PANK1: variants seen among roughly 807,000 people sequenced by gnomAD.
PANK1 encodes the protein pantothenate kinase 1.
In PANK1, 18 loss-of-function variants were observed where a neutral mutation model predicts 40.1. The observed-to-expected ratio is 0.45, with a 90% CI of 0.31 to 0.67. The LOEUF is 0.67. Ranked by LOEUF, PANK1 falls within the 30% of genes least tolerant of loss-of-function variation. PANK1 has a pLI of 0.06. For synonymous variants in PANK1, 242 were observed against 237.7 expected, an observed-to-expected ratio of 1.02 and a Z score of -0.17; for missense variants, 457 against 599.6, an observed-to-expected ratio of 0.76 and a Z score of 2.48.
At chr10:89,627,020 C>T (rs779612966) in intron 1 of PANK1, among the ~76,000 whole-genome samples, 2 of 152,126 alleles carry the variant, frequency 1.3e-5, no homozygotes, top group Non-Finnish European at 2.9e-5. Context: ...AGAAATGGGC[C>T]TTGTTCATTT....
chr10:89,637,675 C>T (rs1335309602), intron 1 of PANK1, among the ~76,000 whole-genome samples: 2 of 152,206 alleles, frequency 1.3e-5, no homozygotes, highest in South Asian at 2.1e-4. Flanking sequence ...TAGGACATCA[C>T]TGTACACACT....
intron 1 of PANK1, among the ~76,000 whole-genome samples, chr10:89,636,244 C>T (rs1336422708): frequency 6.6e-6 from 1 of 152,150 alleles, no homozygotes; most frequent in Admixed American, 6.5e-5. Context: ...CCTTGCAACA[C>T]GTGTCTGCCT....
Position 89,611,977 on chromosome 10 carries a change from TAATATCCTTCGGCTCGA to T in PANK1, c.347_363del (p.Phe116TyrfsTer22). ...ACTTCCTCTTGCTCCTCTTCGGCTG[TAATATCCTTCGGCTCGA>T]AATACACCAATTTAACCAGCGTTCC... On this transcript the variant is annotated frameshift_variant, in exon 2 of 7. Coordinates refer to ENST00000307534, the MANE Select transcript of PANK1 (RefSeq NM_148977.3). LOFTEE classifies it high-confidence loss of function. 6.2e-7 allele frequency: 1 copy of T among 1,614,188 alleles called. No homozygotes were observed. The highest frequency in any genetic ancestry group is 8.5e-7 in the Non-Finnish European group (1 of 1,180,038).
chr10:89,625,148 T>A (rs572105788), intron 1 of PANK1, among the ~76,000 whole-genome samples: 1 of 152,256 alleles, frequency 6.6e-6, no homozygotes, highest in Admixed American at 6.5e-5. Flanking sequence ...GAGATTCTCC[T>A]CCTCAGCCTC....
At chr10:89,642,871 C>T (rs1053358260) in intron 1 of PANK1, among the ~76,000 whole-genome samples, 3 of 152,114 alleles carry the variant, frequency 2.0e-5, no homozygotes, top group Non-Finnish European at 2.9e-5. Context: ...TTATAAGTAA[C>T]AATCGTGGTC....
At chr10:89,628,024 A>C (rs1161029944) in intron 1 of PANK1, among the ~76,000 whole-genome samples, 2 of 152,242 alleles carry the variant, frequency 1.3e-5, no homozygotes, top group Non-Finnish European at 2.9e-5. Context: ...AGTTTTAAAA[A>C]ATTGAAAACA....
At chr10:89,613,968 T>G (rs1416787214) in intron 1 of PANK1, 1 of 456,588 alleles carries the variant, frequency 2.2e-6, no homozygotes, top group Non-Finnish European at 4.4e-6. Flanking sequence ...GTAAAAGGAA[T>G]GGGTTGCATT....
At chr10:89,580,115 A>G (rs1180253384), downstream of PANK1, 1 of 152,214 alleles carries the variant, frequency 6.6e-6, no homozygotes, top group Non-Finnish European at 1.5e-5. Flanking sequence ...ATAGACTCAT[A>G]GTGGGGCTGT....
At position 89,593,880 on chromosome 10, in the gene PANK1, G is replaced by A; in HGVS notation, c.1009C>T (p.Leu337=). 1 of 1,613,596 alleles carries A rather than the reference G, an allele frequency of 6.2e-7. No homozygotes were observed. Among genetic ancestry groups the A allele is most frequent in the East Asian group, 2.2e-5 (1 of 44,882 alleles). The change falls in exon 4 of 7, where the codon CTG becomes TTG. Residue 337 remains leucine (L), a synonymous_variant. Transcript: ENST00000307534. ...AKGDSTNVDK[L]VKDIYGGDYE... ...TCTCCTCCGTAAATGTCCTTCACCA[G>A]TTTATCAACATTGGTGCTGTCGCCT... is the stretch of plus-strand genomic sequence containing the variant.
intron 5 of PANK1, among the ~76,000 whole-genome samples, chr10:89,590,742 G>A (rs1844357069): frequency 6.6e-6 from 1 of 152,106 alleles, no homozygotes; most frequent in African/African-American, 2.4e-5. Context: ...CATTAAAAAT[G>A]AAGCAATTTA....
intron 2 of PANK1, among the ~76,000 whole-genome samples, chr10:89,607,892 G>A (rs10748525): frequency 0.55 from 82,914 of 151,872 alleles, 23,523 homozygotes; most frequent in South Asian, 0.63. Context: ...AATGGTGGGA[G>A]TTCCTCATTG....
At chr10:89,613,746 G>A (rs2133967073) in intron 1 of PANK1, among the ~76,000 whole-genome samples, 1 of 152,262 alleles carries the variant, frequency 6.6e-6, no homozygotes, top group Admixed American at 6.5e-5. Flanking sequence ...ACTGGAAACT[G>A]GTCATCCTCA....
intron 1 of PANK1, among the ~76,000 whole-genome samples, chr10:89,628,344 C>T (rs1009536160): frequency 6.6e-6 from 1 of 152,098 alleles, no homozygotes; most frequent in Non-Finnish European, 1.5e-5. Context: ...TATTATCTGG[C>T]CACAAAAAAG....
intron 1 of PANK1, among the ~76,000 whole-genome samples, chr10:89,640,690 C>T (rs772828806): frequency 6.6e-5 from 10 of 152,162 alleles, no homozygotes; most frequent in Admixed American, 5.9e-4. Context: ...TATATACACA[C>T]AAAATATTAA....
intron 6 of PANK1, among the ~76,000 whole-genome samples, chr10:89,585,131 A>G (rs1331200661): frequency 6.6e-6 from 1 of 152,164 alleles, no homozygotes; most frequent in Non-Finnish European, 1.5e-5. Context: ...GTCTAAAATC[A>G]AGGTGTCTGG....
intron 1 of PANK1, 47 bp downstream of exon 1, chr10:89,644,553 A>G: frequency 6.5e-7 from 1 of 1,532,744 alleles, no homozygotes; most frequent in South Asian, 1.2e-5. Flanking sequence ...CGGGCCCCGC[A>G]CGCTGCGTCT....
At chr10:89,612,203 G>A (rs1328043599) in intron 1 of PANK1, among the ~76,000 whole-genome samples, 155 bp from the exon 2 acceptor site, 2 of 152,148 alleles carry the variant, frequency 1.3e-5, no homozygotes, top group African/African-American at 2.4e-5. Flanking sequence ...CTAAAAGGTG[G>A]CACAGACAGA....
intron 1 of PANK1, among the ~76,000 whole-genome samples, chr10:89,629,249 T>C (rs1460841162): frequency 6.6e-6 from 1 of 152,206 alleles, no homozygotes; most frequent in Non-Finnish European, 1.5e-5. Context: ...CTTCCAGTGC[T>C]CAGCTGCCTT....
rs1844554068 is a variant in PANK1, at chr10:89,595,824, AAAAAAAAAAATATATATATATATATAT to A, written c.900-1862_900-1836del. Among the ~76,000 whole-genome samples the A allele has an allele frequency of 7.6e-5, 4 of 52,744 alleles. 1 individual carries two copies. The allele number at this position is 52,744 out of a possible 152,430, so 34.6% of individuals were successfully genotyped here. A position where few individuals can be genotyped will look rare whatever the true frequency, so the allele number is the denominator to read the frequency against. On this transcript the variant is annotated intron_variant, in intron 3 of 6. Coordinates refer to ENST00000307534, the MANE Select transcript of PANK1 (RefSeq NM_148977.3). ...AGAGCCGGACTCCATCTTAAAAAAAAAAAAAAAAAATATATATATATATATATATATATATATATATATATATATAAC... is the reference window on the plus strand; with the variant it reads ...AGAGCCGGACTCCATCTTAAAAAAAAATATATATATATATATATATATAAC...
Sources: gnomAD v4.1 joint callset for allele counts (sites outside exome capture counted in the v4.1 genomes callset) on GRCh38, gnomAD v4.1.1 for gene constraint, MANE v1.5 for transcripts, NCBI Gene and HGNC (gene_info 2026-07-23, HGNC 2026-07-21) for gene names.